Variants in RRP12 observed in about 807,000 individuals in gnomAD.
RRP12 encodes the protein RRP12-like protein.
A neutral mutation model predicts 157.3 loss-of-function variants in RRP12; 78 were observed. The ratio of observed to expected loss-of-function variants is 0.50; its 90% CI spans 0.41 to 0.60. The LOEUF (loss-of-function observed/expected upper bound fraction) is 0.60. Ranked by LOEUF, RRP12 falls within the 20% of genes least tolerant of loss-of-function variation. The pLI is 0.00. For synonymous variants in RRP12, 726 were observed against 670.9 expected, an observed-to-expected ratio of 1.08 and a Z score of -1.27; for missense variants, 1,521 against 1,679.9, an observed-to-expected ratio of 0.91 and a Z score of 1.65.
chr10:97,377,775 C>T (rs1003617721), intron 15 of RRP12, among the ~76,000 whole-genome samples: 5 of 141,730 alleles, frequency 3.5e-5, no homozygotes, highest in African/African-American at 1.3e-4. Context: ...ACCCAGGAGG[C>T]GGAGATTGCA....
At chr10:97,359,385 C>T (rs999674984) in intron 31 of RRP12, among the ~76,000 whole-genome samples, 2 of 152,270 alleles carry the variant, frequency 1.3e-5, no homozygotes, top group Non-Finnish European at 2.9e-5. Context: ...CAACCTCAGG[C>T]AAGCCTCTTA....
rs749380182 is a variant in RRP12, at chr10:97,393,776, AGG to A, written c.454-18_454-17del. 1 of 1,611,338 alleles carries A rather than the reference AGG, an allele frequency of 6.2e-7. No homozygotes were observed. Among genetic ancestry groups the A allele is most frequent in the East Asian group, 2.2e-5 (1 of 44,842 alleles). On this transcript the variant is annotated splice_polypyrimidine_tract_variant and intron_variant, in intron 3 of 33. Coordinates refer to ENST00000370992, the MANE Select transcript of RRP12 (RefSeq NM_015179.4). ...TTGTTGTCATCTGAGGGCCAGATTG[AGG>A]GGGTTTGAATGGATAAAAACTTACA...
intron 2 of RRP12, 53 bp from the exon 3 acceptor site, chr10:97,396,354 G>C: frequency 7.2e-7 from 1 of 1,382,710 alleles, no homozygotes; most frequent in Admixed American, 1.7e-5. Context: ...CCCCACCCCA[G>C]GGGAACCTCC....
chr10:97,390,540 C>T lies in RRP12; in HGVS notation c.637-1G>A, dbSNP rs1316077428. On this transcript the variant is annotated splice_acceptor_variant, in intron 5 of 33. Transcript: ENST00000370992. LOFTEE classifies it high-confidence loss of function. The stretch of plus-strand genomic sequence containing the variant: ...GAAGGGTGGCCAGGCAGGAAAGGAC[C>T]TGGAAGAAAGTCAGAGTCCCTCAGT... The T allele has an allele frequency of 1.2e-6, 2 of 1,611,346 alleles. No individual in the cohort carries two copies. Among genetic ancestry groups the T allele is most frequent in the Non-Finnish European group, 1.7e-6 (2 of 1,177,944 alleles).
At position 97,393,703 on chromosome 10, in the gene RRP12, G is replaced by T; in HGVS notation, c.511C>A (p.Leu171Met). The change falls in exon 4 of 34, where the codon CTG (leucine) becomes ATG (methionine). Residue 171 changes from leucine (L) to methionine (M), a missense_variant. Transcript: ENST00000370992. ...ACTCACCGCTTCAGGACAAGGTTCA[G>T]CAGGTAAGCAACGGCGGCCAGGGAC... ...PESLAAVAYL[L>M]NLVLKRVPSP... is the part of the protein sequence containing the mutation. 6.2e-7 allele frequency: 1 copy of T among 1,614,044 alleles called. No individual in the cohort carries two copies. The highest frequency in any genetic ancestry group is 8.5e-7 in the Non-Finnish European group (1 of 1,179,968).
chr10:97,366,075 C>T (rs374101918), intron 29 of RRP12, 33 bp downstream of exon 29: 24 of 1,599,782 alleles, frequency 1.5e-5, no homozygotes, highest in East Asian at 6.7e-5. Flanking sequence ...TAAGTGAACA[C>T]GGTGAATGAA....
At chr10:97,395,512 A>T (rs1431562656) in intron 3 of RRP12, among the ~76,000 whole-genome samples, 6 of 151,110 alleles carry the variant, frequency 4.0e-5, no homozygotes, top group Admixed American at 6.7e-5. Flanking sequence ...GGATCGTGCC[A>T]CTGCAGTCCA....
At chr10:97,370,846 A>G in intron 21 of RRP12, 50 bp from the exon 22 acceptor site, 2 of 1,609,966 alleles carry the variant, frequency 1.2e-6, no homozygotes, top group Non-Finnish European at 1.7e-6. Flanking sequence ...ACCTCCACCC[A>G]ACAAGCCTCA....
intron 1 of RRP12, 50 bp downstream of exon 1, chr10:97,401,043 G>A: frequency 3.1e-6 from 5 of 1,598,670 alleles, no homozygotes; most frequent in Non-Finnish European, 4.3e-6. Context: ...CTGGACCCAG[G>A]TCTGCCTGGA....
At chr10:97,391,973 A>G (rs900486074) in intron 4 of RRP12, among the ~76,000 whole-genome samples, 5 of 150,608 alleles carry the variant, frequency 3.3e-5, no homozygotes, top group African/African-American at 9.7e-5. Flanking sequence ...TATATCATTC[A>G]GTACTGTTAA....
chr10:97,391,612 A>G (rs1002733597), intron 4 of RRP12, among the ~76,000 whole-genome samples: 2 of 151,308 alleles, frequency 1.3e-5, no homozygotes, highest in African/African-American at 4.8e-5. Context: ...AATTGTGGTA[A>G]AATACACATA....
chr10:97,377,095 G>T (rs923825326), intron 15 of RRP12, among the ~76,000 whole-genome samples: 3 of 151,846 alleles, frequency 2.0e-5, no homozygotes, highest in African/African-American at 7.2e-5. Flanking sequence ...GGCCAGGCTG[G>T]TCTCAAGCTC....
rs34050240 is a variant in RRP12, at chr10:97,365,272, G to GTT, written c.3517+834_3517+835dup. Among the ~76,000 whole-genome samples, 143 of 118,440 alleles carry GTT rather than the reference G, an allele frequency of 1.2e-3. 3 individuals carry two copies. Among genetic ancestry groups the GTT allele is most frequent in the East Asian group, 2.1e-3 (8 of 3,900 alleles). 77.7% of individuals were successfully genotyped at this position (118,440 alleles called of 152,430 possible). A position where few individuals can be genotyped will look rare whatever the true frequency, so the allele number is the denominator to read the frequency against. On this transcript the variant is annotated intron_variant, in intron 29 of 33. Coordinates refer to ENST00000370992, the MANE Select transcript of RRP12 (RefSeq NM_015179.4). Reference sequence around the variant, plus strand: ...CAGGTGTGTTCTTGAAGACCTAGGTGTTTTTTTTTTTTTTTTTTTGAGACA... The same window carrying GTT: ...CAGGTGTGTTCTTGAAGACCTAGGTGTTTTTTTTTTTTTTTTTTTTTGAGACA...
chr10:97,397,980 TA>T (rs1171954717), intron 2 of RRP12, among the ~76,000 whole-genome samples: 1 of 118,644 alleles, frequency 8.4e-6, no homozygotes, highest in African/African-American at 3.2e-5. Flanking sequence ...CAAAATTGGG[TA>T]AAAAAAAATA....
intron 8 of RRP12, 156 bp downstream of exon 8, chr10:97,388,096 A>T: frequency 1.1e-6 from 1 of 911,468 alleles, no homozygotes; most frequent in Non-Finnish European, 1.7e-6. Flanking sequence ...GGCCTGGCCT[A>T]GCCAAACACC....
chr10:97,357,279 G>A (rs1172741393), intron 33 of RRP12, 83 bp from the exon 34 acceptor site: 1 of 842,868 alleles, frequency 1.2e-6, no homozygotes, highest in African/African-American at 1.7e-5. Flanking sequence ...CTCACCCCCA[G>A]CGCCAGCAGG....
rs902791564 is a variant in RRP12 at position 97,385,787 on chromosome 10, C to A, written c.1116+108G>T. 8 of 787,844 alleles carry A rather than the reference C, an allele frequency of 1.0e-5. No homozygotes were observed. The Admixed American group carries it at 1.7e-4, about 17-fold the overall frequency. 48.8% of individuals were successfully genotyped at this position (787,844 alleles called of 1,614,324 possible). On this transcript the variant is annotated intron_variant, in intron 9 of 33. Transcript: ENST00000370992. ...GCCTCTTCCACTAGGACAACCCAGC[C>A]CAGCCAACCTCACTCTGTAGACAAG... is the stretch of plus-strand genomic sequence containing the variant.
chr10:97,394,732 G>A (rs1844907411), intron 3 of RRP12, among the ~76,000 whole-genome samples: 1 of 152,178 alleles, frequency 6.6e-6, no homozygotes, highest in Non-Finnish European at 1.5e-5. Context: ...TTATTCTAGA[G>A]CAGAGGTTGG....
Position 97,373,283 on chromosome 10 carries a change from C to G in RRP12, c.2027-83G>C, listed in dbSNP as rs1844211194. 3 of 1,425,856 alleles carry G rather than the reference C, an allele frequency of 2.1e-6. 1 individual carries two copies. The highest frequency in any genetic ancestry group is 2.5e-5 in the South Asian group (2 of 79,010). 88.3% of individuals were successfully genotyped at this position (1,425,856 alleles called of 1,614,324 possible). ...CTGCTGGGGCTGTGGCCCAGAGGCC[C>G]TCTCTTGGGGGAGCTGGCAGGACTT... On this transcript the variant is annotated intron_variant, in intron 17 of 33. Transcript: ENST00000370992.
Sources: gnomAD v4.1 joint callset for allele counts (sites outside exome capture counted in the v4.1 genomes callset) on GRCh38, gnomAD v4.1.1 for gene constraint, MANE v1.5 for transcripts, NCBI Gene and HGNC (gene_info 2026-07-23, HGNC 2026-07-21) for gene names.